Variants in SEMA4G observed in about 807,000 individuals in gnomAD.
SEMA4G encodes the protein semaphorin 4G.
In SEMA4G, 59 loss-of-function variants were observed where a neutral mutation model predicts 81.2. The observed-to-expected ratio is 0.73, with a 90% CI of 0.59 to 0.90. The LOEUF is 0.90. Among genes scored for constraint, SEMA4G ranks in the 40% least tolerant of loss-of-function variants. The pLI is 0.00. For synonymous variants in SEMA4G, 404 were observed against 433.9 expected (o/e 0.93, Z 0.86); for missense variants, 952 against 1,102.3 (o/e 0.86, Z 1.93).
At position 100,973,180 on chromosome 10, in the gene SEMA4G, T is replaced by C; in HGVS notation, c.176T>C (p.Leu59Pro). ...GGCCAAGCCCAGAACTACTCAACACTGCTGCTGGAGGAGGCCTCAGCAAGG... is the reference window on the plus strand; with the variant it reads ...GGCCAAGCCCAGAACTACTCAACACCGCTGCTGGAGGAGGCCTCAGCAAGG... Residue 59 changes from leucine to proline, a missense_variant, in exon 2 of 14, where the codon CTG (leucine) becomes CCG (proline). This residue lies in a region of SEMA4G where 436 missense variants were observed against 488.2 expected (regional missense o/e 0.89). Transcript: ENST00000370250. This position sits in a 1 kb window ranked among gnomAD's most constrained non-coding sequence, Gnocchi z 5.5. The C allele has an allele frequency of 6.2e-7, 1 of 1,613,896 alleles. No individual in the cohort carries two copies. The highest frequency in any genetic ancestry group is 8.5e-7 in the Non-Finnish European group (1 of 1,180,028).
chr10:100,980,970 C>A (rs767343866), exon 12 of SEMA4G: 14 of 1,602,778 alleles, frequency 8.7e-6, no homozygotes, highest in Non-Finnish European at 1.2e-5. Context: ...GCAGCCACCA[C>A]CATAGCCAAC....
Position 100,973,376 on chromosome 10 carries a change from C to G in SEMA4G, c.273+99C>G. 1 of 1,496,630 alleles carries G rather than the reference C, an allele frequency of 6.7e-7. No individual in the cohort carries two copies. Among genetic ancestry groups the G allele is most frequent in the East Asian group, 2.4e-5 (1 of 42,300 alleles). 92.7% of individuals were successfully genotyped at this position (1,496,630 alleles called of 1,614,324 possible). The stretch of plus-strand genomic sequence containing the variant: ...AAACCCTGCCAGCCTTCCATAGCCC[C>G]CTGGTCAGACAGCACTGCCCTTCCC... On this transcript the variant is annotated intron_variant, in intron 2 of 13. Coordinates refer to ENST00000370250, the Ensembl canonical transcript of SEMA4G. The surrounding 1 kb of genome is among the most constrained non-coding windows in gnomAD (Gnocchi z 5.5).
chr10:100,984,340 C>T (rs1242406016), exon 14 of SEMA4G: 3 of 1,441,804 alleles, frequency 2.1e-6, no homozygotes, highest in East Asian at 2.5e-5. Context: ...AGCCCAGGCC[C>T]ATCGGTGCTC....
intron 8 of SEMA4G, 115 bp downstream of exon 9, chr10:100,979,386 A>AT (rs35784439): frequency 0.14 from 190,742 of 1,368,066 alleles, 756 homozygotes; most frequent in Non-Finnish European, 0.16. Flanking sequence ...CAAAGTGAGA[A>AT]TTTTTTTTTT....
In SEMA4G at chr10:100,981,243, AT is replaced by A; in HGVS notation, c.1690+15del. On this transcript the variant is annotated intron_variant, in intron 13 of 13. Transcript: ENST00000370250. ...GCAGGGATACAGGTAAGTGACTCAT[AT>A]GAGTGTGGGTCTAGCTACGCAGACT... 1 of 1,613,902 alleles carries A rather than the reference AT, an allele frequency of 6.2e-7. No individual in the cohort carries two copies. Among genetic ancestry groups the A allele is most frequent in the Non-Finnish European group, 8.5e-7 (1 of 1,179,742 alleles).
chr10:100,984,038 A>G, exon 14 of SEMA4G: 1 of 1,613,686 alleles, frequency 6.2e-7, no homozygotes, highest in Non-Finnish European at 8.5e-7. Flanking sequence ...GAGTACCAGC[A>G]GGGCCCTGCT....
chr10:100,978,992 G>A (rs1389345205), exon 7 of SEMA4G: 1 of 1,614,178 alleles, frequency 6.2e-7, no homozygotes, highest in Non-Finnish European at 8.5e-7. Flanking sequence ...CAGTCACCGT[G>A]TGGCCCGTGT....
rs761489347 is a variant in SEMA4G at position 100,983,826 on chromosome 10, G to A, written c.2212G>A (p.Glu738Lys). ...AGTCTCAGGCCAGTGTCCTGGAGAGGAAGATGAGGGTGATGATGAGGGGGC... is the reference window on the plus strand; with the variant it reads ...AGTCTCAGGCCAGTGTCCTGGAGAGAAAGATGAGGGTGATGATGAGGGGGC... The change falls in exon 14 of 14, where the codon GAA becomes AAA. Residue 738 changes from glutamate (E) to lysine (K), a missense_variant. Around this residue, in one of 3 missense-constraint regions of SEMA4G, gnomAD observed 385 missense variants for 413.5 expected, o/e 0.93. Transcript: ENST00000370250. The A allele has an allele frequency of 5.3e-5, 84 of 1,599,878 alleles. No individual in the cohort carries two copies. Among genetic ancestry groups the A allele is most frequent in the Non-Finnish European group, 7.2e-5 (84 of 1,173,208 alleles).
intron 4 of SEMA4G, chr10:100,977,961 T>C (rs1016127329): frequency 1.6e-5 from 9 of 575,308 alleles, no homozygotes; most frequent in Non-Finnish European, 2.8e-5. Context: ...CCTAATCACC[T>C]CCACCTGGCA....
exon 1 of SEMA4G, chr10:100,972,824 CCT>C: frequency 1.4e-6 from 2 of 1,437,986 alleles, no homozygotes; most frequent in Non-Finnish European, 1.9e-6. Flanking sequence ...GACTTTGACC[CCT>C]GTGACTGTGC....
chr10:100,978,571 C>G, exon 6 of SEMA4G: 2 of 1,614,162 alleles, frequency 1.2e-6, no homozygotes, highest in Non-Finnish European at 1.7e-6. Flanking sequence ...CCGGAGCATT[C>G]CTGACATCCG....
chr10:100,970,321 C>T (rs566624680), upstream of SEMA4G, among the ~76,000 whole-genome samples: 4 of 152,104 alleles, frequency 2.6e-5, no homozygotes, highest in Non-Finnish European at 5.9e-5. Flanking sequence ...CCGCCCCCTC[C>T]CACAGGTTAA....
chr10:100,975,121 GA>G, intron 3 of SEMA4G: 1 of 487,828 alleles, frequency 2.0e-6, no homozygotes, highest in Non-Finnish European at 4.1e-6. Context: ...CCAGGTCATG[GA>G]AGGCCACAGA....
In SEMA4G at chr10:100,973,540, C is replaced by G; in HGVS notation, c.274-7C>G. On this transcript the variant is annotated splice_region_variant and splice_polypyrimidine_tract_variant and intron_variant, in intron 2 of 13. Coordinates refer to ENST00000370250, the Ensembl canonical transcript of SEMA4G. The surrounding 1 kb of genome is among the most constrained non-coding windows in gnomAD (Gnocchi z 5.5). ...GTGCATCAGCCTATTCCCTTTGCCTCCACTAGATCCACTGGGAAGCCTCCC... is the reference window on the plus strand; with the variant it reads ...GTGCATCAGCCTATTCCCTTTGCCTGCACTAGATCCACTGGGAAGCCTCCC... 6.2e-7 allele frequency: 1 copy of G among 1,613,994 alleles called. No individual in the cohort carries two copies. The highest frequency in any genetic ancestry group is 8.5e-7 in the Non-Finnish European group (1 of 1,179,886).
intron 13 of SEMA4G, among the ~76,000 whole-genome samples, chr10:100,981,713 G>C (rs1340374031): frequency 6.6e-6 from 1 of 152,170 alleles, no homozygotes; most frequent in East Asian, 1.9e-4. Flanking sequence ...TGAAGCCCAG[G>C]GAGTGTAAGT....
chr10:100,973,250 C>T lies in SEMA4G; in HGVS notation c.246C>T (p.Asn82=), dbSNP rs146573432. 38 of 1,613,184 alleles carry T rather than the reference C, an allele frequency of 2.4e-5. No individual in the cohort carries two copies. The highest frequency in any genetic ancestry group is 9.3e-5 in the African/African-American group (7 of 74,922). Reference sequence around the variant, plus strand: ...GTGCCCTGTTCTCTCTCAGTGCCAACGACATAGGAGATGGGGCTCACAAAG... The same window carrying T: ...GTGCCCTGTTCTCTCTCAGTGCCAATGACATAGGAGATGGGGCTCACAAAG... Residue 82 remains asparagine (N), a synonymous_variant, in exon 2 of 14, where the codon AAC becomes AAT. Coordinates refer to ENST00000370250, the Ensembl canonical transcript of SEMA4G. The surrounding 1 kb of genome is among the most constrained non-coding windows in gnomAD (Gnocchi z 5.5).
exon 14 of SEMA4G, chr10:100,984,453 T>C (rs1851319701): frequency 6.6e-7 from 1 of 1,516,064 alleles, no homozygotes; most frequent in Admixed American, 2.0e-5. Context: ...ATCCTCCTGT[T>C]CCATTCATCT....
At chr10:100,983,659 C>A (rs1265325492) in exon 14 of SEMA4G, 1 of 1,613,262 alleles carries the variant, frequency 6.2e-7, no homozygotes, top group Non-Finnish European at 8.5e-7. Flanking sequence ...CTAGCCATTG[C>A]CGCGCTTGGT....
In SEMA4G at chr10:100,979,366, G is replaced by A. The variant is rs754806911; in HGVS notation, c.983+95G>A. On this transcript the variant is annotated intron_variant, in intron 8 of 13. Coordinates refer to ENST00000370250, the Ensembl canonical transcript of SEMA4G. The stretch of plus-strand genomic sequence containing the variant: ...GATGAGATAGGATCCACTGTGGGGA[G>A]GTCTGGCTGCAAAGTGAGAATTTTT... The A allele has an allele frequency of 5.0e-6, 8 of 1,599,798 alleles. No homozygotes were observed. In the Admixed American group the frequency reaches 1.2e-4, roughly 24 times the overall value.
Sources: gnomAD v4.1 joint callset for allele counts (sites outside exome capture counted in the v4.1 genomes callset) on GRCh38, gnomAD v4.1.1 for gene constraint, gnomAD v4.1.1 regional missense constraint, Gnocchi (gnomAD v3.1) non-coding constraint, MANE v1.5 for transcripts, NCBI Gene and HGNC (gene_info 2026-07-23, HGNC 2026-07-21) for gene names.